Variants in WNT9B observed in about 807,000 individuals in gnomAD.
WNT9B encodes Wnt family member 9B, also known as protein Wnt-9b.
WNT9B carries 12 observed loss-of-function variants against 30.2 expected under a neutral mutation model. The observed-to-expected ratio is 0.40, with a 90% confidence interval of 0.26 to 0.64. The LOEUF is 0.64. WNT9B is among the 30% of genes least tolerant of loss of function. The probability of loss-of-function intolerance (pLI) is 0.42; values close to 1 mark genes in which losing one functional copy is unlikely to be tolerated. For missense variants in WNT9B, 442 were observed against 485.2 expected (o/e 0.91, Z 0.84); for synonymous variants, 218 against 216.9 (o/e 1.01, Z -0.05).
intron 1 of WNT9B, among the ~76,000 whole-genome samples, chr17:46,868,620 CAAAAA>C (rs1188789564): frequency 6.6e-6 from 1 of 151,152 alleles, no homozygotes; most frequent in Non-Finnish European, 1.5e-5. Context: ...CAAAACAAAA[CAAAAA>C]CACCAAAATA....
intron 1 of WNT9B, among the ~76,000 whole-genome samples, chr17:46,839,511 C>T (rs2084674078): frequency 6.6e-6 from 1 of 152,178 alleles, no homozygotes; most frequent in African/African-American, 2.4e-5. Context: ...CATGCACAGG[C>T]TGTAAATTCT....
chr17:46,833,305 G>A (rs757575201), exon 1 of WNT9B: 8 of 503,824 alleles, frequency 1.6e-5, no homozygotes, highest in Non-Finnish European at 3.2e-5. Flanking sequence ...ACGTCCCACT[G>A]AAAGCAAGCT....
chr17:46,883,846 G>A (rs977596926), downstream of WNT9B, among the ~76,000 whole-genome samples: 2 of 152,164 alleles, frequency 1.3e-5, no homozygotes, highest in African/African-American at 4.8e-5. Flanking sequence ...GCAAAGAGGA[G>A]GTTAATGCCT....
chr17:46,866,100 G>A (rs375951554), intron 1 of WNT9B, among the ~76,000 whole-genome samples: 5 of 152,320 alleles, frequency 3.3e-5, no homozygotes, highest in East Asian at 3.9e-4. Context: ...GGCATTGGGT[G>A]CTGTAGAAGA....
At chr17:46,866,210 T>C (rs2085132168) in intron 1 of WNT9B, among the ~76,000 whole-genome samples, 1 of 151,948 alleles carries the variant, frequency 6.6e-6, no homozygotes, top group Admixed American at 6.6e-5. Flanking sequence ...CTGGAGTTGG[T>C]GTTGAGCAGC....
At position 46,851,775 on chromosome 17, in the gene WNT9B, T is replaced by C; in HGVS notation, c.77+60T>C. 1.1e-6 allele frequency: 1 copy of C among 890,818 alleles called. No individual in the cohort carries two copies. The highest frequency in any genetic ancestry group is 1.5e-6 in the Non-Finnish European group (1 of 670,876). The allele number at this position is 890,818 out of a possible 1,614,324, so 55.2% of individuals were successfully genotyped here. On this transcript the variant is annotated intron_variant, in intron 1 of 3. Coordinates refer to ENST00000290015, the MANE Select transcript of WNT9B (RefSeq NM_003396.3). The surrounding 1 kb of genome is among the most constrained non-coding windows in gnomAD (Gnocchi z 4.3). Reference sequence around the variant, plus strand: ...GCCTGCCTGTCTCTCCCTCCTGCGCTACAGCTGGGCCAATTTTTCCCTCCC... The same window carrying C: ...GCCTGCCTGTCTCTCCCTCCTGCGCCACAGCTGGGCCAATTTTTCCCTCCC...
At chr17:46,875,028 G>T in intron 2 of WNT9B, 73 bp from the exon 3 acceptor site, 1 of 1,611,434 alleles carries the variant, frequency 6.2e-7, no homozygotes, top group Non-Finnish European at 8.5e-7. Context: ...AGGGCGGCAG[G>T]CAACCTCTAA....
chr17:46,874,962 C>A (rs749790883), intron 2 of WNT9B, 139 bp from the exon 3 acceptor site: 4 of 1,354,106 alleles, frequency 3.0e-6, no homozygotes, highest in Non-Finnish European at 4.2e-6. Flanking sequence ...TGTCCTCAAG[C>A]CACATTCTCT....
At chr17:46,844,624 C>A (rs1376947049) in intron 1 of WNT9B, among the ~76,000 whole-genome samples, 4 of 152,120 alleles carry the variant, frequency 2.6e-5, no homozygotes, top group African/African-American at 4.8e-5. Flanking sequence ...AGATGGGACC[C>A]CTTTCCTCTC....
At chr17:46,885,196 A>G (rs182392843), downstream of WNT9B, 199 of 319,020 alleles carry the variant, frequency 6.2e-4, no homozygotes, top group African/African-American at 4.2e-3. Context: ...AGTAGAGATG[A>G]GGTTTCTCCA....
chr17:46,884,346 G>T (rs368389433), downstream of WNT9B, among the ~76,000 whole-genome samples: 1 of 152,110 alleles, frequency 6.6e-6, no homozygotes, highest in Non-Finnish European at 1.5e-5. Flanking sequence ...TCAGAGCTGC[G>T]CAGGTGTTGC....
At chr17:46,867,630 C>T (rs372035736) in intron 1 of WNT9B, among the ~76,000 whole-genome samples, 10 of 152,320 alleles carry the variant, frequency 6.6e-5, no homozygotes, top group African/African-American at 2.4e-4. Flanking sequence ...TTGCCAAAAC[C>T]TGGGAGAGCC....
chr17:46,885,930 C>A, exon 5 of WNT9B: 1 of 152,406 alleles, frequency 6.6e-6, no homozygotes. Flanking sequence ...CAAAGCTGTG[C>A]AGAAGCCTGA....
chr17:46,857,474 CAAAAAAAA>C (rs35196121), intron 1 of WNT9B, among the ~76,000 whole-genome samples: 1 of 94,654 alleles, frequency 1.1e-5, no homozygotes, highest in Non-Finnish European at 2.4e-5. Context: ...GACTCTGTCT[CAAAAAAAA>C]AAAAAAAAAA....
At chr17:46,875,413 C>T (rs770727760) in intron 3 of WNT9B, 47 bp downstream of exon 3, 15 of 1,529,226 alleles carry the variant, frequency 9.8e-6, no homozygotes, top group Middle Eastern at 1.7e-4. Flanking sequence ...CCAGGGTACA[C>T]AGCTGGGGAG....
chr17:46,865,236 A>G (rs763160302), intron 1 of WNT9B, among the ~76,000 whole-genome samples: 6 of 152,166 alleles, frequency 3.9e-5, no homozygotes, highest in Non-Finnish European at 8.8e-5. Context: ...GATTGTTGAG[A>G]TGCAAAGCAT....
At chr17:46,851,570 C>G (rs1449075329), upstream of WNT9B, 4 of 870,220 alleles carry the variant, frequency 4.6e-6, no homozygotes, top group African/African-American at 7.1e-5. The surrounding 1 kb of genome is among the most constrained non-coding windows in gnomAD (Gnocchi z 4.3). Context: ...GTCCCGCGGG[C>G]GGGTGGTGGC....
At chr17:46,862,301 A>T (rs1297411529) in intron 1 of WNT9B, among the ~76,000 whole-genome samples, 1 of 152,214 alleles carries the variant, frequency 6.6e-6, no homozygotes, top group East Asian at 1.9e-4. Flanking sequence ...CGTATATTCC[A>T]TGGCTAACAG....
upstream of WNT9B, among the ~76,000 whole-genome samples, chr17:46,849,806 G>A (rs941739060): frequency 2.6e-5 from 4 of 151,450 alleles, no homozygotes; most frequent in African/African-American, 9.7e-5. Flanking sequence ...CAGGTATAAC[G>A]ATCACTGATA....
Sources: allele counts gnomAD v4.1 joint callset (sites outside exome capture counted in the v4.1 genomes callset), GRCh38; gene constraint gnomAD v4.1.1; non-coding constraint Gnocchi (gnomAD v3.1); transcripts MANE v1.5; gene names NCBI Gene and HGNC (gene_info 2026-07-23, HGNC 2026-07-21).